Variants in RBFOX1 observed in about 807,000 individuals in gnomAD.
RBFOX1 encodes RNA binding protein fox-1 homolog 1.
In RBFOX1, 8 loss-of-function variants were observed where a neutral mutation model predicts 57.7. That is an observed-to-expected ratio of 0.14 (90% CI 0.08 to 0.25). The LOEUF is 0.25. Ranked by LOEUF, RBFOX1 falls within the 10% of genes least tolerant of loss-of-function variation. RBFOX1 has a pLI of 1.00. For missense variants in RBFOX1, 611 were observed against 548.5 expected, an observed-to-expected ratio of 1.11 and a Z score of -1.14; for synonymous variants, 326 against 222.4, an observed-to-expected ratio of 1.47 and a Z score of -4.15.
At chr16:6,569,907 A>T (rs750114325) in intron 2 of RBFOX1, among the ~76,000 whole-genome samples, 1 of 152,202 alleles carries the variant, frequency 6.6e-6, no homozygotes, top group African/African-American at 2.4e-5. Flanking sequence ...TGTGTTTGCT[A>T]TAAGTACTGT....
In RBFOX1 at chr16:5,566,972, C is replaced by T. The variant is rs151000924; in HGVS notation, c.259-31930C>T. Among the ~76,000 whole-genome samples the T allele has an allele frequency of 3.3e-4, 51 of 152,240 alleles. No homozygotes were observed. In the East Asian group the frequency reaches 8.5e-3, roughly 25 times the overall value. Reference sequence around the variant, plus strand: ...ATTCATCAGAATGAAGTGGCTTCACCGGCTGGGAGTCCAAATACCCTAACA... The same window carrying T: ...ATTCATCAGAATGAAGTGGCTTCACTGGCTGGGAGTCCAAATACCCTAACA... On this transcript the variant is annotated intron_variant, in intron 2 of 2. Coordinates refer to the RBFOX1 transcript ENST00000585867.
intron 3 of RBFOX1, among the ~76,000 whole-genome samples, chr16:5,714,009 G>A (rs543245629): frequency 6.6e-6 from 1 of 152,156 alleles, no homozygotes; most frequent in African/African-American, 2.4e-5. Context: ...CACAGGGCTT[G>A]TTACCTAATT....
rs114252037 is a variant in RBFOX1, at chr16:6,852,720, G to A, written c.-16+198070G>A. Among the ~76,000 whole-genome samples, 869 of 151,646 alleles carry A rather than the reference G, an allele frequency of 5.7e-3. 20 individuals carry two copies. Among genetic ancestry groups the A allele is most frequent in the African/African-American group, 0.019 (796 of 41,302 alleles). On this transcript the variant is annotated intron_variant, in intron 3 of 15. Transcript: ENST00000550418. ...CAGGAAATAGCTGTGCCAGCGAGGCGTGGGCTGGGAACTAGCTGTCTAGGT... is the reference window on the plus strand; with the variant it reads ...CAGGAAATAGCTGTGCCAGCGAGGCATGGGCTGGGAACTAGCTGTCTAGGT...
intron 2 of RBFOX1, among the ~76,000 whole-genome samples, chr16:5,494,634 T>C (rs1257268818): frequency 6.6e-6 from 1 of 152,212 alleles, no homozygotes; most frequent in Non-Finnish European, 1.5e-5. Context: ...TGTGGGCCGA[T>C]GGCAGAGGAG....
At chr16:6,248,898 C>A (rs543237784) in intron 1 of RBFOX1, among the ~76,000 whole-genome samples, 1 of 152,236 alleles carries the variant, frequency 6.6e-6, no homozygotes, top group Admixed American at 6.5e-5. Flanking sequence ...GGGGAGTGCT[C>A]AGAGAGCATT....
rs1017698001 is a variant in RBFOX1, at chr16:6,003,840, C to A, written c.351+136505C>A. 2.6e-5 allele frequency among the ~76,000 whole-genome samples: 4 copies of A among 152,194 alleles called. No individual in the cohort carries two copies. The South Asian group carries it at 8.3e-4, about 32-fold the overall frequency. The stretch of plus-strand genomic sequence containing the variant: ...GGTCTGTGCCCCCCAACTGAGGCCT[C>A]TTGTCAAAGGCCTTCAAGAGAGCAG... On this transcript the variant is annotated intron_variant, in intron 4 of 19. Transcript: ENST00000641259.
intron 3 of RBFOX1, among the ~76,000 whole-genome samples, chr16:5,656,093 C>A (rs1360693512): frequency 6.6e-6 from 1 of 152,026 alleles, no homozygotes; most frequent in Non-Finnish European, 1.5e-5. Flanking sequence ...TAATTATTAC[C>A]AATAGTAGCA....
At chr16:5,628,101 A>G (rs1303920931) in intron 3 of RBFOX1, among the ~76,000 whole-genome samples, 1 of 152,170 alleles carries the variant, frequency 6.6e-6, no homozygotes, top group Non-Finnish European at 1.5e-5. Flanking sequence ...CCCCACCCCA[A>G]TTAGTAAAAA....
chr16:5,840,134 G>A (rs9935464), intron 3 of RBFOX1, among the ~76,000 whole-genome samples: 62,590 of 151,986 alleles, frequency 0.41, 13,705 homozygotes, highest in East Asian at 0.63. Flanking sequence ...AGTCAGCAGA[G>A]AGTCCTTATT....
chr16:5,844,669 A>G (rs1345825819), intron 3 of RBFOX1, among the ~76,000 whole-genome samples: 5 of 152,178 alleles, frequency 3.3e-5, no homozygotes, highest in African/African-American at 1.2e-4. Flanking sequence ...AAAGGATATT[A>G]CTGTTCTCTT....
chr16:5,757,936 C>T (rs1567500886), intron 3 of RBFOX1, among the ~76,000 whole-genome samples: 2 of 152,332 alleles, frequency 1.3e-5, no homozygotes, highest in South Asian at 4.1e-4. Flanking sequence ...GTCATCACCA[C>T]TGTAGCTGAC....
At position 6,342,819 on chromosome 16, in the gene RBFOX1, A is replaced by G. The variant is rs775287949; in HGVS notation, c.-64+25762A>G. On this transcript the variant is annotated intron_variant, in intron 2 of 15. Coordinates refer to ENST00000550418, the MANE Select transcript of RBFOX1 (RefSeq NM_018723.4). ...GCCACTCACAAGCTCGTCTATGCTA[A>G]TCACCTTGACATTTTGTATTCATTT... is the stretch of plus-strand genomic sequence containing the variant. 5.7e-4 allele frequency among the ~76,000 whole-genome samples: 86 copies of G among 152,188 alleles called. 1 individual carries two copies. The highest frequency in any genetic ancestry group is 1.9e-4 in the Non-Finnish European group (13 of 68,036).
intron 1 of RBFOX1, among the ~76,000 whole-genome samples, chr16:6,227,542 C>G (rs780158255): frequency 6.6e-6 from 1 of 152,092 alleles, no homozygotes; most frequent in Non-Finnish European, 1.5e-5. Flanking sequence ...AGGGTAGGGA[C>G]AGAAGTGAGC....
At chr16:5,532,469 C>A (rs946787383) in intron 2 of RBFOX1, among the ~76,000 whole-genome samples, 5 of 152,200 alleles carry the variant, frequency 3.3e-5, no homozygotes, top group Non-Finnish European at 7.3e-5. Context: ...TTTCACAAGA[C>A]CCCCTGGTGA....
chr16:6,322,599 A>G (rs1194235727), intron 2 of RBFOX1, among the ~76,000 whole-genome samples: 1 of 152,154 alleles, frequency 6.6e-6, no homozygotes. Flanking sequence ...AGTTGACCCT[A>G]TGATTATATT....
chr16:5,425,821 G>C (rs1411059245), intron 1 of RBFOX1, among the ~76,000 whole-genome samples: 2 of 152,184 alleles, frequency 1.3e-5, no homozygotes, highest in East Asian at 3.9e-4. Flanking sequence ...GGCTTGGCGA[G>C]AGTTGGGCGG....
intron 1 of RBFOX1, among the ~76,000 whole-genome samples, chr16:6,241,203 G>A (rs17139654): frequency 0.017 from 2,642 of 152,214 alleles, 72 homozygotes; most frequent in African/African-American, 0.059. Context: ...GCAAATTCCC[G>A]TTCAGACGGG....
chr16:6,871,911 CTGTGTGTGTGTGTG>C lies in RBFOX1; in HGVS notation c.-15-180108_-15-180095del, dbSNP rs57684251. On this transcript the variant is annotated intron_variant, in intron 3 of 15. Coordinates refer to ENST00000550418, the MANE Select transcript of RBFOX1 (RefSeq NM_018723.4). ...AGGCTCTTTGAGAGAGGGAGAGAGTCTGTGTGTGTGTGTGTGTGTGTGTGTGTGTGTGTGTGTGT... is the reference window on the plus strand; with the variant it reads ...AGGCTCTTTGAGAGAGGGAGAGAGTCTGTGTGTGTGTGTGTGTGTGTGTGT... Among the ~76,000 whole-genome samples, 626 of 129,664 alleles carry C rather than the reference CTGTGTGTGTGTGTG, an allele frequency of 4.8e-3. 1 individual carries two copies. Among genetic ancestry groups the C allele is most frequent in the Middle Eastern group, 8.5e-3 (2 of 236 alleles). The allele number at this position is 129,664 out of a possible 152,430, so 85.1% of individuals were successfully genotyped here. A position where few individuals can be genotyped will look rare whatever the true frequency, so the allele number is the denominator to read the frequency against.
chr16:7,017,465 G>T (rs1338649749), intron 3 of RBFOX1, among the ~76,000 whole-genome samples: 1 of 152,134 alleles, frequency 6.6e-6, no homozygotes, highest in Admixed American at 6.5e-5. Context: ...ACACACTGAC[G>T]CGCGCACACA....
Sources: allele counts gnomAD v4.1 joint callset (sites outside exome capture counted in the v4.1 genomes callset), GRCh38; gene constraint gnomAD v4.1.1; transcripts MANE v1.5; gene names NCBI Gene and HGNC (gene_info 2026-07-23, HGNC 2026-07-21).